Variants in GTPBP6 observed in about 807,000 individuals in gnomAD.
GTPBP6 encodes putative GTP-binding protein 6.
A neutral mutation model predicts 28.9 loss-of-function variants in GTPBP6; 33 were observed. The ratio of observed to expected loss-of-function variants is 1.14; its 90% confidence interval spans 0.87 to 1.53. The LOEUF is 1.53. Ranked by LOEUF, GTPBP6 falls within the 40% of genes most tolerant of loss-of-function variation. The pLI is 0.00. For synonymous variants in GTPBP6, 231 were observed against 192.7 expected (o/e 1.20, Z -1.65); for missense variants, 507 against 408.3 (o/e 1.24, Z -2.08).
rs1393641343 is a variant in GTPBP6 at position 312,420 on chromosome X, T to G, written c.916+346A>C. The G allele has an allele frequency of 1.1e-5, 6 of 530,916 alleles. No homozygotes were observed. In the African/African-American group the frequency reaches 1.1e-4, roughly 10 times the overall value. The allele number at this position is 530,916 out of a possible 1,614,324, so 32.9% of individuals were successfully genotyped here. ...TGTGTAGACAGGGTGGTGGTATAGATAGGGCAGTGGGGATGGTCTAGACAG... is the reference window on the plus strand; with the variant it reads ...TGTGTAGACAGGGTGGTGGTATAGAGAGGGCAGTGGGGATGGTCTAGACAG... On this transcript the variant is annotated intron_variant, in intron 6 of 9. Coordinates refer to ENST00000326153, the Ensembl canonical transcript of GTPBP6.
At chrX:314,652 A>AT (rs1369221248) in intron 4 of GTPBP6, among the ~76,000 whole-genome samples, 1 of 151,348 alleles carries the variant, frequency 6.6e-6, no homozygotes, top group African/African-American at 2.4e-5. Flanking sequence ...TTTTTCTTGT[A>AT]TTTTTAGTAC....
chrX:310,338 G>C (rs918909996), intron 7 of GTPBP6, among the ~76,000 whole-genome samples: 2 of 133,986 alleles, frequency 1.5e-5, no homozygotes, highest in African/African-American at 6.2e-5. Context: ...GGAGTGATGC[G>C]GCCACAAGCC....
chrX:307,194 GCA>G (rs1161952496), intron 9 of GTPBP6, among the ~76,000 whole-genome samples, 164 bp downstream of exon 9: 4 of 147,158 alleles, frequency 2.7e-5, no homozygotes, highest in Admixed American at 6.6e-5. Flanking sequence ...CCTCTTGTAT[GCA>G]CAGTCACAAA....
chrX:307,442 C>A, exon 9 of GTPBP6: 1 of 1,612,220 alleles, frequency 6.2e-7, no homozygotes, highest in Non-Finnish European at 8.5e-7. Context: ...TCGAGCTCAG[C>A]TTTCAGCTCC....
intron 5 of GTPBP6, 115 bp from the exon 6 acceptor site, chrX:313,039 G>A: frequency 1.2e-6 from 1 of 836,254 alleles, no homozygotes; most frequent in Non-Finnish European, 1.9e-6. Flanking sequence ...CAGCATCTGG[G>A]GGCCCGGCTG....
At chrX:318,642 C>A (rs1217063874) in exon 1 of GTPBP6, 1 of 397,476 alleles carries the variant, frequency 2.5e-6, no homozygotes, top group Non-Finnish European at 4.4e-6. Context: ...GCCCCACGGC[C>A]CCTCCAGATT....
exon 5 of GTPBP6, chrX:314,163 G>A (rs1219075408): frequency 2.5e-6 from 4 of 1,612,776 alleles, no homozygotes; most frequent in Non-Finnish European, 2.5e-6. Context: ...ACCCCATGAT[G>A]TAGCGCGAGC....
At chrX:309,128 T>C (rs890237026) in intron 7 of GTPBP6, among the ~76,000 whole-genome samples, 3 of 152,138 alleles carry the variant, frequency 2.0e-5, no homozygotes, top group Non-Finnish European at 4.4e-5. Flanking sequence ...CTTTGGGACA[T>C]TTGCTGCTTC....
chrX:317,152 G>A (rs2070453530), intron 1 of GTPBP6, 101 bp from the exon 2 acceptor site: 4 of 398,128 alleles, frequency 1.0e-5, no homozygotes, highest in Non-Finnish European at 1.8e-5. Flanking sequence ...CAATCTCCCC[G>A]GAGAAGGCAC....
chrX:307,791 C>A, exon 8 of GTPBP6: 1 of 1,544,306 alleles, frequency 6.5e-7, no homozygotes. Context: ...GCGGGGCGGG[C>A]AGCTGCAGGC....
At chrX:305,067 C>G (rs188206031) in exon 10 of GTPBP6, 1 of 1,612,082 alleles carries the variant, frequency 6.2e-7, no homozygotes, top group South Asian at 1.1e-5. Context: ...CCTCTGTGGG[C>G]GTCCGTTCAT....
rs1433861250 is a variant in GTPBP6, at chrX:315,051, C to T, written c.559-31G>A. On this transcript the variant is annotated intron_variant, in intron 3 of 9. Coordinates refer to ENST00000326153, the Ensembl canonical transcript of GTPBP6. The stretch of plus-strand genomic sequence containing the variant: ...AAAGGAGAGAGCAACTGAGAAGCCA[C>T]GGGGGAAGGCCGGGCCCTGGTGGCC... 6 of 398,596 alleles carry T rather than the reference C, an allele frequency of 1.5e-5. No individual in the cohort carries two copies. In the Middle Eastern group the frequency reaches 2.5e-3, roughly 165 times the overall value. The allele number at this position is 398,596 out of a possible 1,614,324, so 24.7% of individuals were successfully genotyped here. A position where few individuals can be genotyped will look rare whatever the true frequency, so the allele number is the denominator to read the frequency against.
In GTPBP6 at chrX:307,967, C is replaced by T. The variant is rs894269727; in HGVS notation, c.1126-87G>A. The T allele has an allele frequency of 3.1e-5, 37 of 1,211,134 alleles. No homozygotes were observed. The African/African-American group carries it at 3.6e-4, about 12-fold the overall frequency. 75.0% of individuals were successfully genotyped at this position (1,211,134 alleles called of 1,614,324 possible). On this transcript the variant is annotated intron_variant, in intron 7 of 9. Coordinates refer to ENST00000326153, the Ensembl canonical transcript of GTPBP6. ...GACAGGCCCAGGAGAGGGGCTCACA[C>T]GAGCTCCCAACGACAGGCTGGGCAT... is the stretch of plus-strand genomic sequence containing the variant.
Position 305,216 on chromosome X carries a change from T to A in GTPBP6, c.1428-19A>T. ...CAGCCAGCTGGGCACAGATGCGCGTTGTATGGAGACAAGCAGAACCCGTAA... is the reference window on the plus strand; with the variant it reads ...CAGCCAGCTGGGCACAGATGCGCGTAGTATGGAGACAAGCAGAACCCGTAA... On this transcript the variant is annotated intron_variant, in intron 9 of 9. Coordinates refer to ENST00000326153, the Ensembl canonical transcript of GTPBP6. 2 of 1,586,800 alleles carry A rather than the reference T, an allele frequency of 1.3e-6. No homozygotes were observed. The highest frequency in any genetic ancestry group is 1.7e-6 in the Non-Finnish European group (2 of 1,155,262).
At chrX:311,554 C>T (rs748545128) in exon 7 of GTPBP6, 1 of 1,612,448 alleles carries the variant, frequency 6.2e-7, no homozygotes, top group East Asian at 2.2e-5. Flanking sequence ...CCGTGACGTC[C>T]AGCGTGGCAA....
exon 1 of GTPBP6, chrX:318,751 G>A (rs2070486418): frequency 2.5e-5 from 8 of 321,114 alleles, no homozygotes; most frequent in Admixed American, 5.0e-5. Flanking sequence ...CGGGAGAGCC[G>A]CAGCCCCGGG....
exon 8 of GTPBP6, chrX:307,869 C>G (rs761690104): frequency 2.6e-6 from 4 of 1,531,162 alleles, no homozygotes; most frequent in Middle Eastern, 4.9e-4. Flanking sequence ...CCCTCACGTG[C>G]AAGATGAGAT....
intron 2 of GTPBP6, among the ~76,000 whole-genome samples, chrX:316,575 G>C (rs2070444683): frequency 6.6e-6 from 1 of 152,286 alleles, no homozygotes; most frequent in East Asian, 1.9e-4. Context: ...GTGGGGTGGG[G>C]GTCACCCAGG....
chrX:314,908 G>A lies in GTPBP6; in HGVS notation c.671C>T (p.Ala224Val), dbSNP rs1344325494. Residue 224 changes from alanine to valine, a missense_variant, in exon 4 of 10, where the codon GCG becomes GTG. By Grantham distance (64) the Ala-to-Val change is moderately conservative (BLOSUM62 0). Transcript: ENST00000326153. ...ACGATACCTGTGCAGCGGCATCTCC[G>A]CCAGGGCCACCTGAAGCCGGGCCTC... is the stretch of plus-strand genomic sequence containing the variant. 89 of 398,780 alleles carry A rather than the reference G, an allele frequency of 2.2e-4. No individual in the cohort carries two copies. In the East Asian group the frequency reaches 2.9e-3, roughly 13 times the overall value. The allele number at this position is 398,780 out of a possible 1,614,324, so 24.7% of individuals were successfully genotyped here.
Sources: gnomAD v4.1 joint callset for allele counts (sites outside exome capture counted in the v4.1 genomes callset) on GRCh38, gnomAD v4.1.1 for gene constraint, MANE v1.5 for transcripts, NCBI Gene and HGNC (gene_info 2026-07-23, HGNC 2026-07-21) for gene names.